Variants in DHX32 observed in about 807,000 individuals in gnomAD.
DHX32 encodes the protein putative pre-mRNA-splicing factor ATP-dependent RNA helicase DHX32.
Under a neutral mutation model 70.0 loss-of-function variants are expected in DHX32, and 51 were observed. That is an observed-to-expected ratio of 0.73 (90% CI 0.58 to 0.92). The LOEUF (loss-of-function observed/expected upper bound fraction) is 0.92. Among genes scored for constraint, DHX32 ranks in the 40% least tolerant of loss-of-function variants. The pLI is 0.00. For missense variants in DHX32, 762 were observed against 891.8 expected, an observed-to-expected ratio of 0.85 and a Z score of 1.85; for synonymous variants, 310 against 315.3, an observed-to-expected ratio of 0.98 and a Z score of 0.18.
chr10:125,841,872 C>T lies in DHX32; in HGVS notation c.1414G>A (p.Gly472Arg). 2 of 1,613,380 alleles carry T rather than the reference C, an allele frequency of 1.2e-6. No homozygotes were observed. Among genetic ancestry groups the T allele is most frequent in the Non-Finnish European group, 1.7e-6 (2 of 1,179,850 alleles). ...LDYLAALDND[G>R]NLSEFGIIMS... is the part of the protein sequence containing the mutation. ...ATGATTCCAAATTCAGAAAGATTTC[C>T]ATCATTATCCAGTGCTGCCAGATAA... The change falls in exon 7 of 11, where the codon GGA becomes AGA. Residue 472 changes from glycine to arginine, a missense_variant. Physicochemically the swap from Gly to Arg is moderately radical, Grantham distance 125. Transcript: ENST00000284690.
At chr10:125,840,812 T>G in intron 8 of DHX32, 35 bp downstream of exon 8, 1 of 1,530,460 alleles carries the variant, frequency 6.5e-7, no homozygotes, top group Non-Finnish European at 8.8e-7. Context: ...GAAAGGAAGG[T>G]GGAATTAATA....
chr10:125,857,517 T>A (rs1944156081), intron 3 of DHX32, among the ~76,000 whole-genome samples: 1 of 152,210 alleles, frequency 6.6e-6, no homozygotes, highest in African/African-American at 2.4e-5. Flanking sequence ...ACTCTCACTT[T>A]AAGACTGCAA....
At position 125,880,855 on chromosome 10, in the gene DHX32, A is replaced by G. The variant is rs766725217; in HGVS notation, c.-31T>C. The G allele has an allele frequency of 5.7e-6, 9 of 1,589,374 alleles. No homozygotes were observed. The Admixed American group carries it at 7.2e-5, about 13-fold the overall frequency. On this transcript the variant is annotated 5_prime_UTR_variant, in exon 1 of 11. The change abolishes an upstream ATG in the 5' untranslated region. Transcript: ENST00000284690. ...CTGACAGTGAGCTCACGCAGCTGAC[A>G]TTCCACAAGCAAGTTTCTCCTATCA...
At chr10:125,853,654 T>G (rs561736742) in intron 4 of DHX32, 1 of 281,598 alleles carries the variant, frequency 3.6e-6, no homozygotes, top group Admixed American at 4.9e-5. Context: ...GCTAGTACCT[T>G]AGCTAAAGAA....
intron 7 of DHX32, chr10:125,841,512 A>T (rs541724640): frequency 1.4e-6 from 2 of 1,439,230 alleles, no homozygotes; most frequent in Non-Finnish European, 1.8e-6. Flanking sequence ...CATACATCTG[A>T]TGTATAAATT....
At chr10:125,846,807 G>A (rs1371937602) in intron 6 of DHX32, among the ~76,000 whole-genome samples, 3 of 152,114 alleles carry the variant, frequency 2.0e-5, no homozygotes, top group Non-Finnish European at 4.4e-5. Context: ...TCCCTTTCTT[G>A]GGCGTTTTCG....
intron 1 of DHX32, among the ~76,000 whole-genome samples, chr10:125,894,439 GTCT>G (rs1367127021): frequency 5.9e-5 from 9 of 152,178 alleles, no homozygotes; most frequent in Non-Finnish European, 1.3e-4. Flanking sequence ...CTCCTAACCA[GTCT>G]TCTTTCACAG....
chr10:125,848,713 C>T (rs1342338214), intron 6 of DHX32, among the ~76,000 whole-genome samples: 2 of 152,200 alleles, frequency 1.3e-5, no homozygotes, highest in Non-Finnish European at 2.9e-5. Flanking sequence ...ACTGCTCTTT[C>T]TAGGACCCTC....
At chr10:125,887,886 G>A (rs1200369095) in intron 1 of DHX32, among the ~76,000 whole-genome samples, 4 of 152,116 alleles carry the variant, frequency 2.6e-5, no homozygotes, top group African/African-American at 7.2e-5. Flanking sequence ...ACGTGATTAT[G>A]AGCAGGTGCA....
In DHX32 at chr10:125,880,595, TG is replaced by T; in HGVS notation, c.229del (p.Gln77LysfsTer5). ...TCCTGAAACAATCACGATTTGATTT[TG>T]AAGCAGGTTCTCCATAAAGGAGTAT... ...EKYSFMENLL[Q>X]NQIVIVSGDA... On this transcript the variant is annotated frameshift_variant, in exon 1 of 11. Transcript: ENST00000284690. LOFTEE classifies it high-confidence loss of function. 6.2e-7 allele frequency: 1 copy of T among 1,613,462 alleles called. No individual in the cohort carries two copies. Among genetic ancestry groups the T allele is most frequent in the South Asian group, 1.1e-5 (1 of 90,992 alleles).
chr10:125,890,671 G>C (rs1230107322), intron 1 of DHX32: 8 of 152,288 alleles, frequency 5.3e-5, no homozygotes, highest in Admixed American at 2.6e-4. Flanking sequence ...AAAAGGCCGA[G>C]AAGTGATGAA....
intron 7 of DHX32, 126 bp from the exon 8 acceptor site, chr10:125,841,122 G>A (rs1854866169): frequency 7.4e-7 from 1 of 1,355,242 alleles, no homozygotes; most frequent in African/African-American, 1.5e-5. Context: ...GAATAAATAT[G>A]TTATTCTTGT....
rs1415803934 is a variant in DHX32, at chr10:125,866,251, A to G, written c.476+739T>C. Reference sequence around the variant, plus strand: ...AAAGGTGCTTGAGAAGCACTAGCCCAGAGCAGTGATTTTTCCAGTTTCTTT... The same window carrying G: ...AAAGGTGCTTGAGAAGCACTAGCCCGGAGCAGTGATTTTTCCAGTTTCTTT... On this transcript the variant is annotated intron_variant, in intron 2 of 10. Transcript: ENST00000284690. This position sits in a 1 kb window ranked among gnomAD's most constrained non-coding sequence, Gnocchi z 4.8. Among the ~76,000 whole-genome samples, 1 of 152,268 alleles carries G rather than the reference A, an allele frequency of 6.6e-6. No individual in the cohort carries two copies. The highest frequency in any genetic ancestry group is 1.5e-5 in the Non-Finnish European group (1 of 68,050).
chr10:125,840,770 G>T, intron 8 of DHX32, 77 bp downstream of exon 8: 1 of 1,436,796 alleles, frequency 7.0e-7, no homozygotes, highest in South Asian at 1.6e-5. Context: ...AATGTTTGAT[G>T]AATAACTAAT....
intron 1 of DHX32, among the ~76,000 whole-genome samples, chr10:125,879,891 A>G (rs1053749909): frequency 6.6e-6 from 1 of 152,156 alleles, no homozygotes; most frequent in African/African-American, 2.4e-5. Flanking sequence ...TGATCTGTCC[A>G]CCTTGGTCTC....
chr10:125,884,118 C>A (rs1211432462), upstream of DHX32, among the ~76,000 whole-genome samples: 1 of 152,172 alleles, frequency 6.6e-6, no homozygotes, highest in African/African-American at 2.4e-5. Flanking sequence ...CTCAGAAGGA[C>A]CTTTTGCTGC....
In DHX32 at chr10:125,836,834, T is replaced by C. The variant is rs1382655027; in HGVS notation, c.2085A>G (p.Gln695=). ...TAGGAGGCAGATTACTGAAATAGTA[T>C]TGTGGTACCAGCTGCATAAATCTGT... is the stretch of plus-strand genomic sequence containing the variant. The part of the protein sequence containing the change: ...SPELFMQLVP[Q]YYFSNLPPSE... The change falls in exon 11 of 11, where the codon CAA becomes CAG. Residue 695 remains glutamine, a synonymous_variant. Coordinates refer to ENST00000284690, the MANE Select transcript of DHX32 (RefSeq NM_018180.3). 1 of 1,614,088 alleles carries C rather than the reference T, an allele frequency of 6.2e-7. No individual in the cohort carries two copies. The highest frequency in any genetic ancestry group is 1.3e-5 in the African/African-American group (1 of 74,924).
chr10:125,892,440 C>A (rs1297672689), intron 1 of DHX32, among the ~76,000 whole-genome samples: 6 of 152,304 alleles, frequency 3.9e-5, no homozygotes, highest in Admixed American at 2.0e-4. Flanking sequence ...AAAATAAACT[C>A]ATGGTCCTTA....
intron 6 of DHX32, 34 bp downstream of exon 6, chr10:125,852,259 C>T (rs762084441): frequency 2.5e-6 from 4 of 1,607,770 alleles, no homozygotes; most frequent in Non-Finnish European, 2.6e-6. Flanking sequence ...GAATCTCAGC[C>T]TAATGCCTGG....
Sources: allele counts gnomAD v4.1 joint callset (sites outside exome capture counted in the v4.1 genomes callset), GRCh38; gene constraint gnomAD v4.1.1; non-coding constraint Gnocchi (gnomAD v3.1); transcripts MANE v1.5; gene names NCBI Gene and HGNC (gene_info 2026-07-23, HGNC 2026-07-21).